The following ASS1 variants were observed in gnomAD, a reference collection of about 807,000 sequenced individuals.
The protein encoded by ASS1 is argininosuccinate synthase 1.
A neutral mutation model predicts 60.5 loss-of-function variants in ASS1; 58 were observed. The observed-to-expected ratio is 0.96, with a 90% confidence interval of 0.78 to 1.19. The LOEUF (loss-of-function observed/expected upper bound fraction) is 1.19, where lower values mean the gene tolerates loss of function less well. ASS1 is among the 50% of genes most tolerant of loss of function. The pLI is 0.00. For missense variants in ASS1, 454 were observed against 547.3 expected (o/e 0.83, Z 1.70); for synonymous variants, 200 against 206.9 (o/e 0.97, Z 0.29).
rs113584148 is a variant in ASS1, at chr9:130,477,454, G to A, written c.688+493G>A. On this transcript the variant is annotated intron_variant, in intron 9 of 14. Coordinates refer to ENST00000352480, the MANE Select transcript of ASS1 (RefSeq NM_054012.4). This position sits in a 1 kb window ranked among gnomAD's most constrained non-coding sequence, Gnocchi z 4.2. Reference sequence around the variant, plus strand: ...GAAAGCCTTCGCCAGTCTTCATTGAGCCGCTCTGGGCCTCACCCTGCTGAC... The same window carrying A: ...GAAAGCCTTCGCCAGTCTTCATTGAACCGCTCTGGGCCTCACCCTGCTGAC... 6.6e-6 allele frequency among the ~76,000 whole-genome samples: 1 copy of A among 152,198 alleles called. No individual in the cohort carries two copies. Among genetic ancestry groups the A allele is most frequent in the South Asian group, 2.1e-4 (1 of 4,830 alleles).
chr9:130,465,315 G>A (rs1215976), intron 5 of ASS1, among the ~76,000 whole-genome samples: 99,983 of 152,016 alleles, frequency 0.66, 37,110 homozygotes, highest in East Asian at 0.96. Flanking sequence ...CACTGCACCC[G>A]GCTGTAGTAG....
At chr9:130,480,686 C>G (rs905834918) in intron 11 of ASS1, among the ~76,000 whole-genome samples, 1 of 152,174 alleles carries the variant, frequency 6.6e-6, no homozygotes. Context: ...TGGGAGAGGC[C>G]CAGGAGGGCC....
intron 1 of ASS1, among the ~76,000 whole-genome samples, chr9:130,450,852 C>A (rs1418349683): frequency 1.3e-5 from 2 of 152,232 alleles, no homozygotes; most frequent in Admixed American, 6.5e-5. Context: ...CTAATAAAGA[C>A]CCTGGGTGAC....
chr9:130,451,018 A>C (rs1044634884), intron 1 of ASS1, among the ~76,000 whole-genome samples: 1 of 152,096 alleles, frequency 6.6e-6, no homozygotes, highest in Non-Finnish European at 1.5e-5. Context: ...CTGCTTGTTG[A>C]TCCGATGACC....
chr9:130,485,179 C>T (rs1398554304), intron 11 of ASS1, among the ~76,000 whole-genome samples: 1 of 152,232 alleles, frequency 6.6e-6, no homozygotes, highest in Non-Finnish European at 1.5e-5. Flanking sequence ...CACCTGCGCC[C>T]TCCCCTCTCT....
intron 6 of ASS1, among the ~76,000 whole-genome samples, chr9:130,468,014 G>T (rs1008314498): frequency 6.6e-6 from 1 of 152,164 alleles, no homozygotes; most frequent in Non-Finnish European, 1.5e-5. Context: ...ATAACCTTTT[G>T]AGCCGGAAAA....
intron 1 of ASS1, among the ~76,000 whole-genome samples, chr9:130,448,715 C>T (rs369008273): frequency 7.2e-5 from 11 of 152,246 alleles, no homozygotes; most frequent in South Asian, 4.2e-4. Flanking sequence ...AGGTGTGTGC[C>T]GCCACACTCA....
rs1588503262 is a variant in ASS1, at chr9:130,489,118, T to C, written c.839-215T>C. On this transcript the variant is annotated intron_variant, in intron 11 of 14. Coordinates refer to ENST00000352480, the MANE Select transcript of ASS1 (RefSeq NM_054012.4). The surrounding 1 kb of genome is among the most constrained non-coding windows in gnomAD (Gnocchi z 4.1). ...TCAAAGGGGGCATCTAGACATTTTC[T>C]CCACAAGCCGCAGAGTGGACTGTCG... Among the ~76,000 whole-genome samples, 1 of 152,198 alleles carries C rather than the reference T, an allele frequency of 6.6e-6. No individual in the cohort carries two copies. Among genetic ancestry groups the C allele is most frequent in the East Asian group, 1.9e-4 (1 of 5,180 alleles).
chr9:130,465,982 G>A (rs1845730328), intron 5 of ASS1, among the ~76,000 whole-genome samples: 2 of 152,210 alleles, frequency 1.3e-5, no homozygotes, highest in African/African-American at 4.8e-5. Flanking sequence ...AGCTGCTCCA[G>A]GAGCTGGGAG....
chr9:130,445,264 A>G (rs1184831176), intron 1 of ASS1: 18 of 953,176 alleles, frequency 1.9e-5, no homozygotes, highest in Admixed American at 6.2e-5. Flanking sequence ...CCGGGTCCGA[A>G]GAGCGGCTCG....
intron 11 of ASS1, among the ~76,000 whole-genome samples, chr9:130,487,488 G>A (rs992917438): frequency 3.3e-5 from 5 of 151,874 alleles, no homozygotes; most frequent in East Asian, 1.9e-4. Context: ...GCCGCTCAAC[G>A]GCATTAGGTC....
chr9:130,448,424 A>G (rs78102360), intron 1 of ASS1, among the ~76,000 whole-genome samples: 1,713 of 20,704 alleles, frequency 0.083, 27 homozygotes, highest in African/African-American at 0.18. Flanking sequence ...GTGCGCGCGC[A>G]CACACACACA....
intron 4 of ASS1, among the ~76,000 whole-genome samples, chr9:130,462,577 C>G (rs1156313114): frequency 1.3e-5 from 2 of 152,316 alleles, no homozygotes; most frequent in East Asian, 1.9e-4. Context: ...AGCAGCCCAG[C>G]CGTGCCTGGC....
intron 11 of ASS1, among the ~76,000 whole-genome samples, chr9:130,486,062 C>T (rs1051110797): frequency 4.5e-4 from 69 of 152,284 alleles, no homozygotes; most frequent in African/African-American, 1.4e-3. Flanking sequence ...TCATGACTCA[C>T]TGCAGCCTCA....
At chr9:130,492,834 G>T (rs1042804757) in intron 12 of ASS1, among the ~76,000 whole-genome samples, 1 of 152,154 alleles carries the variant, frequency 6.6e-6, no homozygotes, top group African/African-American at 2.4e-5. Flanking sequence ...CTGCAGGTCT[G>T]GGGGGTGCAG....
In ASS1 at chr9:130,465,050, ATATATAT is replaced by A. The variant is rs552577529; in HGVS notation, c.420+885_420+891del. Among the ~76,000 whole-genome samples the A allele has an allele frequency of 9.4e-3, 855 of 91,262 alleles. 8 individuals are homozygous for A. The highest frequency in any genetic ancestry group is 0.038 in the African/African-American group (768 of 20,474). The allele number at this position is 91,262 out of a possible 152,430, so 59.9% of individuals were successfully genotyped here. ...ACATATGTTTTATATATATATATAT[ATATATAT>A]TTTTTTTTTTTCTTTTTCTGGAGAC... On this transcript the variant is annotated intron_variant, in intron 5 of 14. Coordinates refer to ENST00000352480, the MANE Select transcript of ASS1 (RefSeq NM_054012.4).
rs1846024095 is a variant in ASS1, at chr9:130,476,568, A to G, written c.598-303A>G. Reference sequence around the variant, plus strand: ...CGCCGCCTTGCTCCTCCAAAGTCACACTTTTTCCTGCCTGACTTGTTCCTC... The same window carrying G: ...CGCCGCCTTGCTCCTCCAAAGTCACGCTTTTTCCTGCCTGACTTGTTCCTC... On this transcript the variant is annotated intron_variant, in intron 8 of 14. Transcript: ENST00000352480. This position sits in a 1 kb window ranked among gnomAD's most constrained non-coding sequence, Gnocchi z 4.9. 2 of 519,650 alleles carry G rather than the reference A, an allele frequency of 3.8e-6. No homozygotes were observed. Among genetic ancestry groups the G allele is most frequent in the South Asian group, 4.2e-5 (2 of 47,816 alleles). The allele number at this position is 519,650 out of a possible 1,614,324, so 32.2% of individuals were successfully genotyped here.
Position 130,476,797 on chromosome 9 carries a change from C to T in ASS1, c.598-74C>T, listed in dbSNP as rs139514231. On this transcript the variant is annotated intron_variant, in intron 8 of 14. Coordinates refer to ENST00000352480, the MANE Select transcript of ASS1 (RefSeq NM_054012.4). This position sits in a 1 kb window ranked among gnomAD's most constrained non-coding sequence, Gnocchi z 4.9. The stretch of plus-strand genomic sequence containing the variant: ...ATGGACAGAGGAGAGGGGTGCAGAT[C>T]CCCGCGGGAGGTGGGCTGTAGGGTG... The T allele has an allele frequency of 3.0e-5, 41 of 1,377,484 alleles. No individual in the cohort carries two copies. In the East Asian group the frequency reaches 9.4e-4, roughly 31 times the overall value. The allele number at this position is 1,377,484 out of a possible 1,614,324, so 85.3% of individuals were successfully genotyped here.
rs1489817705 is a variant in ASS1, at chr9:130,478,690, T to C, written c.689-1026T>C. ...CTAAGGCCCCAGCGAAGGCCGATAA[T>C]AGGACCGGGGAGGGAGAGAAAGGGA... On this transcript the variant is annotated intron_variant, in intron 9 of 14. Transcript: ENST00000352480. The surrounding 1 kb of genome is among the most constrained non-coding windows in gnomAD (Gnocchi z 4.7). Among the ~76,000 whole-genome samples the C allele has an allele frequency of 1.3e-5, 2 of 151,708 alleles. No homozygotes were observed. Among genetic ancestry groups the C allele is most frequent in the African/African-American group, 2.4e-5 (1 of 41,278 alleles).
Sources: gnomAD v4.1 joint callset for allele counts (sites outside exome capture counted in the v4.1 genomes callset) on GRCh38, gnomAD v4.1.1 for gene constraint, Gnocchi (gnomAD v3.1) non-coding constraint, MANE v1.5 for transcripts, NCBI Gene and HGNC (gene_info 2026-07-23, HGNC 2026-07-21) for gene names.